The following ICAM2 variants were observed in gnomAD, a reference collection of about 807,000 sequenced individuals.
The protein encoded by ICAM2 is ICAM-2.
In ICAM2, 14 loss-of-function variants were observed where a neutral mutation model predicts 19.1. The observed-to-expected ratio is 0.73, with a 90% CI of 0.48 to 1.15. ICAM2 has a LOEUF of 1.15. Among genes scored for constraint, ICAM2 ranks in the 50% most tolerant of loss-of-function variants. The pLI is 0.00. For missense variants in ICAM2, 311 were observed against 355.4 expected (o/e 0.88, Z 1.00); for synonymous variants, 153 against 152.7 (o/e 1.00, Z -0.01).
Position 64,004,824 on chromosome 17 carries a change from G to T in ICAM2, c.328+283C>A, listed in dbSNP as rs560590800. 5.7e-6 allele frequency: 3 copies of T among 525,252 alleles called. No individual in the cohort carries two copies. In the Admixed American group the frequency reaches 9.4e-5, roughly 17 times the overall value. The allele number at this position is 525,252 out of a possible 1,614,324, so 32.5% of individuals were successfully genotyped here. ...GGACATGGGGTGCTCTGGTGACTCA[G>T]CTATGTTGGGAAATGACTTCTGGAT... On this transcript the variant is annotated intron_variant, in intron 3 of 4. Coordinates refer to ENST00000579788, the MANE Select transcript of ICAM2 (RefSeq NM_001099789.2).
chr17:64,002,783 C>T lies in ICAM2; in HGVS notation c.792G>A (p.Ala264=), dbSNP rs186856824. 33 of 1,613,114 alleles carry T rather than the reference C, an allele frequency of 2.0e-5. No homozygotes were observed. The highest frequency in any genetic ancestry group is 6.7e-5 in the African/African-American group (5 of 74,932). The change falls in exon 5 of 5, where the codon GCG becomes GCA. Residue 264 remains alanine, a synonymous_variant. Transcript: ENST00000579788. ...QQRMGTYGVR[A]AWRRLPQAFR... The stretch of plus-strand genomic sequence containing the variant: ...AGGCCTGGGGCAGCCTCCTCCAAGC[C>T]GCTCGCACCCCGTAGGTGCCCATCC...
chr17:64,011,466 A>C (rs1420107173), intron 1 of ICAM2, among the ~76,000 whole-genome samples: 1 of 152,196 alleles, frequency 6.6e-6, no homozygotes, highest in Non-Finnish European at 1.5e-5. Flanking sequence ...CATCTCAAAA[A>C]AAGAGGACAT....
chr17:64,002,625 A>G lies in ICAM2; in HGVS notation c.*122T>C, dbSNP rs1477506062. Reference sequence around the variant, plus strand: ...CCAGGTGTTTGTATTCGGGCTAGAAAAGGCAATGTCCCAAGTCTCTGCTGC... The same window carrying G: ...CCAGGTGTTTGTATTCGGGCTAGAAGAGGCAATGTCCCAAGTCTCTGCTGC... On this transcript the variant is annotated 3_prime_UTR_variant, in exon 5 of 5. Transcript: ENST00000579788. 4.7e-6 allele frequency: 4 copies of G among 853,362 alleles called. No individual in the cohort carries two copies. Among genetic ancestry groups the G allele is most frequent in the Non-Finnish European group, 7.2e-6 (4 of 555,376 alleles). The allele number at this position is 853,362 out of a possible 1,614,324, so 52.9% of individuals were successfully genotyped here. A position where few individuals can be genotyped will look rare whatever the true frequency, so the allele number is the denominator to read the frequency against.
intron 1 of ICAM2, among the ~76,000 whole-genome samples, chr17:64,010,754 A>C (rs1410613442): frequency 6.6e-6 from 1 of 152,218 alleles, no homozygotes; most frequent in Non-Finnish European, 1.5e-5. Flanking sequence ...CACAACTCCA[A>C]ACAAATATTG....
intron 1 of ICAM2, among the ~76,000 whole-genome samples, chr17:64,018,797 C>T (rs1911825546): frequency 7.8e-6 from 1 of 127,950 alleles, no homozygotes; most frequent in Non-Finnish European, 1.6e-5. Flanking sequence ...TCTTGGCTTA[C>T]TGCAACCTCC....
intron 1 of ICAM2, among the ~76,000 whole-genome samples, chr17:64,008,990 C>A (rs756098429): frequency 6.6e-6 from 1 of 152,206 alleles, no homozygotes; most frequent in Non-Finnish European, 1.5e-5. Context: ...CCTTCCTGGG[C>A]AGGCCCTGCT....
intron 2 of ICAM2, 133 bp downstream of exon 2, chr17:64,006,498 A>G: frequency 1.4e-6 from 1 of 732,188 alleles, no homozygotes. Context: ...CCCTGTCTTA[A>G]AACAAAACAA....
chr17:64,010,901 A>G (rs1382773643), intron 1 of ICAM2, among the ~76,000 whole-genome samples: 2 of 152,146 alleles, frequency 1.3e-5, no homozygotes, highest in African/African-American at 4.8e-5. Context: ...TGGAATTTTT[A>G]GGAGGGAGGA....
chr17:64,002,906 C>T lies in ICAM2; in HGVS notation c.669G>A (p.Gln223=). Residue 223 remains glutamine, a synonymous_variant, in exon 5 of 5, where the codon CAG becomes CAA. Transcript: ENST00000579788. ...ACACCACCGTGACTATGATGACCATCTGGCTGTCCGACACAGGCTCTGGGG... is the reference window on the plus strand; with the variant it reads ...ACACCACCGTGACTATGATGACCATTTGGCTGTCCGACACAGGCTCTGGGG... ...LEIYEPVSDS[Q]MVIIVTVVSV... 6.2e-7 allele frequency: 1 copy of T among 1,613,648 alleles called. No individual in the cohort carries two copies.
intron 1 of ICAM2, among the ~76,000 whole-genome samples, chr17:64,007,409 C>G (rs146310098): frequency 6.6e-6 from 1 of 152,020 alleles, no homozygotes; most frequent in Admixed American, 6.6e-5. Flanking sequence ...ATTACAGGAT[C>G]GCGTCACCAC....
In ICAM2 at chr17:64,002,860, C is replaced by T. The variant is rs368636050; in HGVS notation, c.715G>A (p.Val239Met). The change falls in exon 5 of 5, where the codon GTG (valine) becomes ATG (methionine). Residue 239 changes from valine (V) to methionine (M), a missense_variant. Val to Met is a conservative substitution (Grantham distance 21, BLOSUM62 1). Coordinates refer to ENST00000579788, the MANE Select transcript of ICAM2 (RefSeq NM_001099789.2). Reference sequence around the variant, plus strand: ...ATGAAGCAGAGCAGGACAGATGTCACGAACAGGGACAGCAACACCGACACC... The same window carrying T: ...ATGAAGCAGAGCAGGACAGATGTCATGAACAGGGACAGCAACACCGACACC... The part of the protein sequence containing the change: ...TVVSVLLSLF[V>M]TSVLLCFIFG... 39 of 1,613,802 alleles carry T rather than the reference C, an allele frequency of 2.4e-5. No individual in the cohort carries two copies. Among genetic ancestry groups the T allele is most frequent in the Admixed American group, 1.8e-4 (11 of 59,980 alleles).
rs1481624839 is a variant in ICAM2, at chr17:64,020,524, C to T, written c.-46G>A. 3 of 152,176 alleles carry T rather than the reference C, an allele frequency of 2.0e-5. No homozygotes were observed. Among genetic ancestry groups the T allele is most frequent in the Non-Finnish European group, 4.4e-5 (3 of 68,064 alleles). 9.4% of individuals were successfully genotyped at this position (152,176 alleles called of 1,614,324 possible). A position where few individuals can be genotyped will look rare whatever the true frequency, so the allele number is the denominator to read the frequency against. On this transcript the variant is annotated splice_region_variant and 5_prime_UTR_variant, in exon 1 of 5. Transcript: ENST00000579788. ...GGAAAGTGAGAAGCTCAACCTTACC[C>T]CTGTGGGCTCCAAGAAGGGTAGCTC... is the stretch of plus-strand genomic sequence containing the variant.
chr17:64,014,386 A>AAGAAC, intron 1 of ICAM2, among the ~76,000 whole-genome samples: 1 of 68,526 alleles, frequency 1.5e-5, no homozygotes, highest in South Asian at 6.7e-4. Flanking sequence ...AAAGGAAGGA[A>AAGAAC]GGAAGGAAGG....
intron 3 of ICAM2, 66 bp downstream of exon 3, chr17:64,005,039 CTG>C: frequency 6.4e-7 from 1 of 1,565,262 alleles, no homozygotes; most frequent in Non-Finnish European, 8.8e-7. Context: ...CAGAGGGGCT[CTG>C]TGTGCATTCA....
chr17:64,004,157 A>G lies in ICAM2; in HGVS notation c.329-193T>C, dbSNP rs377088564. On this transcript the variant is annotated intron_variant, in intron 3 of 4. Coordinates refer to ENST00000579788, the MANE Select transcript of ICAM2 (RefSeq NM_001099789.2). ...TGGACTGTGTGGTAGTTTTACAGAC[A>G]TGATGGTTTCCGGTGACCAGGTGTC... 148 of 569,324 alleles carry G rather than the reference A, an allele frequency of 2.6e-4. 1 individual carries two copies. The highest frequency in any genetic ancestry group is 2.6e-3 in the African/African-American group (138 of 53,658). 35.3% of individuals were successfully genotyped at this position (569,324 alleles called of 1,614,324 possible).
chr17:64,007,785 G>A (rs1229768247), intron 1 of ICAM2: 4 of 152,186 alleles, frequency 2.6e-5, no homozygotes, highest in African/African-American at 9.7e-5. Flanking sequence ...GGAGCCTTGG[G>A]TTGGGAGGGT....
intron 1 of ICAM2, among the ~76,000 whole-genome samples, chr17:64,018,422 G>A (rs1911804959): frequency 6.7e-6 from 1 of 149,878 alleles, no homozygotes; most frequent in South Asian, 2.1e-4. Context: ...TATTTAGCTC[G>A]AGTAGCCAGG....
At chr17:64,004,268 T>C (rs1911049565) in intron 3 of ICAM2, 1 of 367,010 alleles carries the variant, frequency 2.7e-6, no homozygotes. Context: ...AAATGAAATA[T>C]AAATTTCAAA....
rs141394372 is a variant in ICAM2 at position 64,002,888 on chromosome 17, C to A, written c.687G>T (p.Thr229=). The change falls in exon 5 of 5, where the codon ACG becomes ACT. Residue 229 remains threonine (T), a synonymous_variant. Coordinates refer to ENST00000579788, the MANE Select transcript of ICAM2 (RefSeq NM_001099789.2). ...ACAGGGACAGCAACACCGACACCAC[C>A]GTGACTATGATGACCATCTGGCTGT... The part of the protein sequence containing the change: ...VSDSQMVIIV[T]VVSVLLSLFV... The A allele has an allele frequency of 2.3e-5, 37 of 1,613,968 alleles. No homozygotes were observed. In the African/African-American group the frequency reaches 4.4e-4, roughly 19 times the overall value.
Sources: gnomAD v4.1 joint callset for allele counts (sites outside exome capture counted in the v4.1 genomes callset) on GRCh38, gnomAD v4.1.1 for gene constraint, MANE v1.5 for transcripts, NCBI Gene and HGNC (gene_info 2026-07-23, HGNC 2026-07-21) for gene names.